Variants in CADM1 observed in about 807,000 individuals in gnomAD.
CADM1 encodes the protein cell adhesion molecule 1, also known as TSLC-1.
Under a neutral mutation model 53.1 loss-of-function variants are expected in CADM1, and 15 were observed. The ratio of observed to expected loss-of-function variants is 0.28; its 90% confidence interval spans 0.19 to 0.44. The LOEUF (loss-of-function observed/expected upper bound fraction) is 0.44, where lower values mean the gene tolerates loss of function less well. Among genes scored for constraint, CADM1 ranks in the 20% least tolerant of loss-of-function variants. The probability of loss-of-function intolerance (pLI) is 1.00; values close to 1 mark genes in which losing one functional copy is unlikely to be tolerated. For missense variants in CADM1, 434 were observed against 611.3 expected (o/e 0.71, Z 3.06); for synonymous variants, 281 against 243.0 (o/e 1.16, Z -1.45).
At chr11:115,200,501 T>TA (rs1271019042) in intron 8 of CADM1, among the ~76,000 whole-genome samples, 142 of 151,964 alleles carry the variant, frequency 9.3e-4, no homozygotes, top group South Asian at 5.6e-3. Context: ...TCTTTTCTTT[T>TA]CTTTTTTTTT....
intron 1 of CADM1, among the ~76,000 whole-genome samples, chr11:115,451,795 GA>G (rs1948577316): frequency 6.6e-6 from 1 of 152,056 alleles, no homozygotes; most frequent in African/African-American, 2.4e-5. Context: ...TAACTACAGG[GA>G]AACAATCAGA....
intron 1 of CADM1, among the ~76,000 whole-genome samples, chr11:115,475,431 T>C (rs1364093789): frequency 6.6e-6 from 1 of 152,132 alleles, no homozygotes; most frequent in African/African-American, 2.4e-5. Context: ...ATTTAGCCAA[T>C]AGAAATGAAA....
At chr11:115,233,309 A>G (rs1941891534) in intron 3 of CADM1, among the ~76,000 whole-genome samples, 1 of 152,242 alleles carries the variant, frequency 6.6e-6, no homozygotes, top group African/African-American at 2.4e-5. Flanking sequence ...TTAAGAAAAA[A>G]TAAACAAAAA....
intron 1 of CADM1, among the ~76,000 whole-genome samples, chr11:115,440,625 G>C (rs1948288555): frequency 6.6e-6 from 1 of 152,108 alleles, no homozygotes; most frequent in Non-Finnish European, 1.5e-5. Flanking sequence ...GAGTTTGGAG[G>C]AAACACCACT....
intron 1 of CADM1, among the ~76,000 whole-genome samples, chr11:115,470,512 A>G (rs1010089361): frequency 6.6e-6 from 1 of 152,246 alleles, no homozygotes; most frequent in Admixed American, 6.5e-5. Context: ...AATGCAATAG[A>G]TTTGTCAAAA....
chr11:115,490,392 A>ATTTTTTTTTTT (rs35633504), intron 1 of CADM1, among the ~76,000 whole-genome samples: 1 of 109,330 alleles, frequency 9.1e-6, no homozygotes, highest in Non-Finnish European at 1.8e-5. Flanking sequence ...GGAAGAACAG[A>ATTTTTTTTTTT]TTTTTTTTTT....
Position 115,504,355 on chromosome 11 carries a change from C to T in CADM1, c.40G>A (p.Ala14Thr). The change falls in exon 1 of 12, where the codon GCG (alanine) becomes ACG (threonine). Residue 14 changes from alanine (A) to threonine (T), a missense_variant. Ala to Thr is a moderately conservative substitution (Grantham distance 58). Coordinates refer to ENST00000331581, the MANE Select transcript of CADM1 (RefSeq NM_001301043.2). ...VVLPSGSQCA[A>T]AAAAAAPPGL... ...GGAGGCGCCGCCGCCGCCGCTGCCG[C>T]CGCACACTGGGATCCGCTCGGCAGC... The T allele has an allele frequency of 1.3e-6, 2 of 1,548,730 alleles. No homozygotes were observed. The highest frequency in any genetic ancestry group is 1.7e-6 in the Non-Finnish European group (2 of 1,146,362).
At chr11:115,471,596 T>G (rs1360165781) in intron 1 of CADM1, among the ~76,000 whole-genome samples, 1 of 152,206 alleles carries the variant, frequency 6.6e-6, no homozygotes, top group African/African-American at 2.4e-5. Flanking sequence ...AAAGGCTTGT[T>G]ACACACAGAT....
At chr11:115,482,430 T>TAC (rs1555092652) in intron 1 of CADM1, among the ~76,000 whole-genome samples, 1 of 152,146 alleles carries the variant, frequency 6.6e-6, no homozygotes, top group Non-Finnish European at 1.5e-5. Context: ...TAGTAAGTGA[T>TAC]ACACACACAC....
intron 1 of CADM1, among the ~76,000 whole-genome samples, chr11:115,296,599 T>C (rs1944085375): frequency 6.6e-6 from 1 of 152,136 alleles, no homozygotes; most frequent in Admixed American, 6.6e-5. Context: ...TTTGATCTTC[T>C]CTACCATGTT....
At chr11:115,398,692 A>G (rs571913323) in intron 1 of CADM1, among the ~76,000 whole-genome samples, 2 of 152,310 alleles carry the variant, frequency 1.3e-5, no homozygotes, top group Admixed American at 1.3e-4. Context: ...CCAACCTAAT[A>G]TTCTAACATA....
chr11:115,264,501 C>T (rs1943072284), intron 1 of CADM1, among the ~76,000 whole-genome samples: 1 of 152,192 alleles, frequency 6.6e-6, no homozygotes, highest in African/African-American at 2.4e-5. Flanking sequence ...TATCTCAAGA[C>T]CACAGAAAAA....
intron 1 of CADM1, among the ~76,000 whole-genome samples, chr11:115,361,439 C>A (rs989680492): frequency 7.2e-5 from 11 of 152,082 alleles, no homozygotes; most frequent in African/African-American, 2.7e-4. Flanking sequence ...TTTTAAGAGT[C>A]CCACAGTAGA....
At chr11:115,226,878 G>C (rs563715085) in intron 5 of CADM1, among the ~76,000 whole-genome samples, 15 of 152,352 alleles carry the variant, frequency 9.8e-5, no homozygotes, top group African/African-American at 3.6e-4. Flanking sequence ...GGAATTCCTG[G>C]CTGACTCTGC....
At chr11:115,305,759 C>T (rs1459765551) in intron 1 of CADM1, among the ~76,000 whole-genome samples, 1 of 151,582 alleles carries the variant, frequency 6.6e-6, no homozygotes. Context: ...AGGTGAAGCA[C>T]CAAAATACTT....
chr11:115,209,716 A>T, intron 7 of CADM1, 59 bp from the exon 8 acceptor site: 4 of 1,599,320 alleles, frequency 2.5e-6, no homozygotes, highest in Non-Finnish European at 3.4e-6. Flanking sequence ...AATGACCAGT[A>T]ATGACAAAAC....
Position 115,474,730 on chromosome 11 carries a change from A to G in CADM1, c.124+29541T>C, listed in dbSNP as rs979482759. Among the ~76,000 whole-genome samples the G allele has an allele frequency of 2.0e-5, 3 of 151,364 alleles. No homozygotes were observed. In the East Asian group the frequency reaches 5.9e-4, roughly 30 times the overall value. Reference sequence around the variant, plus strand: ...GGGGGAGGGGGGAGGGATAGCATTAAGAGATATACCTAATGTAAATGACGA... The same window carrying G: ...GGGGGAGGGGGGAGGGATAGCATTAGGAGATATACCTAATGTAAATGACGA... On this transcript the variant is annotated intron_variant, in intron 1 of 11. Coordinates refer to ENST00000331581, the MANE Select transcript of CADM1 (RefSeq NM_001301043.2).
chr11:115,431,124 C>CA (rs1948037017), intron 1 of CADM1, among the ~76,000 whole-genome samples: 1 of 151,808 alleles, frequency 6.6e-6, no homozygotes, highest in African/African-American at 2.4e-5. Flanking sequence ...CTAAATGGCA[C>CA]AAAAAAAGTA....
At chr11:115,185,819 T>C (rs905058708) in intron 10 of CADM1, among the ~76,000 whole-genome samples, 1 of 152,174 alleles carries the variant, frequency 6.6e-6, no homozygotes, top group Non-Finnish European at 1.5e-5. Context: ...GTCGAGTATT[T>C]CCAAACATAC....
Sources: gnomAD v4.1 joint callset for allele counts (sites outside exome capture counted in the v4.1 genomes callset) on GRCh38, gnomAD v4.1.1 for gene constraint, MANE v1.5 for transcripts, NCBI Gene and HGNC (gene_info 2026-07-23, HGNC 2026-07-21) for gene names.